MBD5: variants seen among roughly 807,000 people sequenced by gnomAD.
MBD5 encodes methyl-CpG-binding domain protein 5.
In MBD5, 13 loss-of-function variants were observed where a neutral mutation model predicts 117.3. The observed-to-expected ratio is 0.11, with a 90% CI of 0.07 to 0.18. The LOEUF (loss-of-function observed/expected upper bound fraction) is 0.18, where lower values mean the gene tolerates loss of function less well. Among genes scored for constraint, MBD5 ranks in the 10% least tolerant of loss-of-function variants. MBD5 has a pLI of 1.00. For missense variants in MBD5, 1,879 were observed against 2,093.8 expected (o/e 0.90, Z 2.00); for synonymous variants, 727 against 766.4 (o/e 0.95, Z 0.85).
At chr2:148,499,657 C>G (rs1232373097) in intron 11 of MBD5, among the ~76,000 whole-genome samples, 1 of 152,112 alleles carries the variant, frequency 6.6e-6, no homozygotes, top group African/African-American at 2.4e-5. Context: ...GTGTGTTTAA[C>G]CTTTTTAATG....
intron 3 of MBD5, among the ~76,000 whole-genome samples, chr2:148,318,659 C>T (rs955089748): frequency 1.3e-5 from 2 of 152,130 alleles, no homozygotes; most frequent in South Asian, 2.1e-4. Flanking sequence ...AAAATTCTTA[C>T]GCATATGGCT....
At chr2:148,085,110 C>G (rs1384124158) in intron 1 of MBD5, among the ~76,000 whole-genome samples, 3 of 152,074 alleles carry the variant, frequency 2.0e-5, no homozygotes, top group Non-Finnish European at 4.4e-5. Flanking sequence ...CAGGTTATGC[C>G]CACTGAAACA....
intron 13 of MBD5, among the ~76,000 whole-genome samples, chr2:148,511,032 G>T (rs140085755): frequency 6.6e-6 from 1 of 152,132 alleles, no homozygotes; most frequent in Non-Finnish European, 1.5e-5. Flanking sequence ...CAATCTAGAG[G>T]CTCAGCACAG....
chr2:148,246,952 A>G (rs1048224713), intron 3 of MBD5, among the ~76,000 whole-genome samples: 1 of 151,992 alleles, frequency 6.6e-6, no homozygotes, highest in African/African-American at 2.4e-5. Context: ...TTGTTATCCC[A>G]TCCTTGAAAT....
At chr2:148,053,253 G>A (rs1481821829) in intron 1 of MBD5, among the ~76,000 whole-genome samples, 1 of 151,916 alleles carries the variant, frequency 6.6e-6, no homozygotes, top group Non-Finnish European at 1.5e-5. Flanking sequence ...GAATTGACCC[G>A]TTTTTCATTA....
intron 1 of MBD5, among the ~76,000 whole-genome samples, chr2:148,100,742 A>C (rs760200610): frequency 1.4e-4 from 21 of 152,352 alleles, no homozygotes; most frequent in Middle Eastern, 6.8e-3. Context: ...GTCAAGAGGA[A>C]GGAAACTAGG....
At chr2:148,074,226 ACT>A (rs1326472784) in intron 1 of MBD5, among the ~76,000 whole-genome samples, 2 of 152,068 alleles carry the variant, frequency 1.3e-5, no homozygotes, top group Non-Finnish European at 2.9e-5. Flanking sequence ...CTTCAGCAAC[ACT>A]CTAAGTGTTA....
At chr2:148,445,406 G>A (rs1232001221) in intron 4 of MBD5, among the ~76,000 whole-genome samples, 2 of 151,008 alleles carry the variant, frequency 1.3e-5, no homozygotes, top group East Asian at 1.9e-4. Flanking sequence ...TTGTCCTTGC[G>A]ATAGTTTGCT....
At chr2:148,456,759 T>C (rs1489224381) in intron 4 of MBD5, among the ~76,000 whole-genome samples, 1 of 152,140 alleles carries the variant, frequency 6.6e-6, no homozygotes, top group African/African-American at 2.4e-5. Flanking sequence ...TTTTTGATAT[T>C]TTCCCCATTG....
At chr2:148,439,603 C>A (rs1311320156) in intron 4 of MBD5, among the ~76,000 whole-genome samples, 1 of 152,072 alleles carries the variant, frequency 6.6e-6, no homozygotes, top group Non-Finnish European at 1.5e-5. Flanking sequence ...TTTTTAAAAA[C>A]TGTTACCATT....
At chr2:148,386,375 A>T (rs938437674) in intron 4 of MBD5, among the ~76,000 whole-genome samples, 3 of 152,156 alleles carry the variant, frequency 2.0e-5, no homozygotes, top group South Asian at 4.1e-4. Flanking sequence ...TGATATGATT[A>T]AAAAAGGGAA....
intron 4 of MBD5, among the ~76,000 whole-genome samples, chr2:148,414,186 C>G (rs1425339317): frequency 6.6e-6 from 1 of 152,088 alleles, no homozygotes. Context: ...TCATTAATTT[C>G]AAAGAGTTTC....
chr2:148,424,203 A>C (rs1354071933), intron 4 of MBD5, among the ~76,000 whole-genome samples: 5 of 128,562 alleles, frequency 3.9e-5, no homozygotes, highest in Admixed American at 2.4e-4. Flanking sequence ...AAAAAAAAAA[A>C]AAAAAAAAAA....
At chr2:148,276,794 A>G (rs1212982822) in intron 3 of MBD5, among the ~76,000 whole-genome samples, 1 of 152,150 alleles carries the variant, frequency 6.6e-6, no homozygotes, top group Non-Finnish European at 1.5e-5. Context: ...GAAATATTTG[A>G]TATGACTCCT....
chr2:148,424,798 G>A (rs535650722), intron 4 of MBD5, among the ~76,000 whole-genome samples: 68 of 152,226 alleles, frequency 4.5e-4, no homozygotes, highest in South Asian at 2.3e-3. Flanking sequence ...GATAAATAAC[G>A]AAATTAAGGC....
At chr2:148,086,839 C>A (rs1377134637) in intron 1 of MBD5, among the ~76,000 whole-genome samples, 3 of 152,174 alleles carry the variant, frequency 2.0e-5, no homozygotes, top group African/African-American at 7.2e-5. Context: ...TGGGACTAGA[C>A]TTCCATCTGT....
chr2:148,039,400 A>G (rs1694295621), intron 1 of MBD5, among the ~76,000 whole-genome samples: 1 of 152,174 alleles, frequency 6.6e-6, no homozygotes, highest in African/African-American at 2.4e-5. Flanking sequence ...CGTAAAGTAA[A>G]TGGTGAGAAG....
chr2:148,516,819 C>T lies in MBD5; in HGVS notation c.*3878C>T, dbSNP rs964722294. ...TGTACCTCAGTGACCTTTTATAAAC[C>T]GGAAAAATGGTTGATTTAATAATTT... On this transcript the variant is annotated 3_prime_UTR_variant, in exon 14 of 14. Coordinates refer to ENST00000642680, the MANE Select transcript of MBD5 (RefSeq NM_001378120.1). 1.3e-5 allele frequency: 2 copies of T among 152,022 alleles called. No homozygotes were observed. Among genetic ancestry groups the T allele is most frequent in the Non-Finnish European group, 2.9e-5 (2 of 68,010 alleles). 9.4% of individuals were successfully genotyped at this position (152,022 alleles called of 1,614,324 possible).
chr2:148,241,348 G>A (rs773661450), intron 3 of MBD5, among the ~76,000 whole-genome samples: 1 of 152,094 alleles, frequency 6.6e-6, no homozygotes, highest in Non-Finnish European at 1.5e-5. Flanking sequence ...CTCCTAAAAC[G>A]TGGTCCTTTA....
Sources: allele counts gnomAD v4.1 joint callset (sites outside exome capture counted in the v4.1 genomes callset), GRCh38; gene constraint gnomAD v4.1.1; transcripts MANE v1.5; gene names NCBI Gene and HGNC (gene_info 2026-07-23, HGNC 2026-07-21).